Variants in ITPR3 observed in about 807,000 individuals in gnomAD.
The protein encoded by ITPR3 is inositol 1,4,5-trisphosphate-gated calcium channel ITPR3.
A neutral mutation model predicts 293.2 loss-of-function variants in ITPR3; 173 were observed. That is an observed-to-expected ratio of 0.59 (90% CI 0.52 to 0.67). The LOEUF (loss-of-function observed/expected upper bound fraction) is 0.67, where lower values mean the gene tolerates loss of function less well. Ranked by LOEUF, ITPR3 falls within the 30% of genes least tolerant of loss-of-function variation. The probability of loss-of-function intolerance (pLI) is 0.00; values close to 1 mark genes in which losing one functional copy is unlikely to be tolerated. For missense variants in ITPR3, 2,796 were observed against 3,592.1 expected (o/e 0.78, Z 5.66); for synonymous variants, 1,295 against 1,444.4 (o/e 0.90, Z 2.35).
At position 33,691,441 on chromosome 6, in the gene ITPR3, G is replaced by A. The variant is rs1765386422; in HGVS notation, c.7226-174G>A. The stretch of plus-strand genomic sequence containing the variant: ...GTACAGAGACCCCTCCCTGCCCTTA[G>A]TGTGCAACCCAGTCGGGGGCAGAAG... On this transcript the variant is annotated intron_variant, in intron 52 of 57. Coordinates refer to ENST00000605930, the MANE Select transcript of ITPR3 (RefSeq NM_002224.4). The surrounding 1 kb of genome is among the most constrained non-coding windows in gnomAD (Gnocchi z 4.9). 6.6e-6 allele frequency among the ~76,000 whole-genome samples: 1 copy of A among 152,168 alleles called. No homozygotes were observed. Among genetic ancestry groups the A allele is most frequent in the African/African-American group, 2.4e-5 (1 of 41,432 alleles).
Position 33,668,633 on chromosome 6 carries a change from G to A in ITPR3, c.2005G>A (p.Glu669Lys), listed in dbSNP as rs758744581. ...GAACAGTGACATTCTCATCCGGACCGAGTGAGCCCTGTGCCCCCTGCCCGC... is the reference window on the plus strand; with the variant it reads ...GAACAGTGACATTCTCATCCGGACCAAGTGAGCCCTGTGCCCCCTGCCCGC... The part of the protein sequence containing the change: ...PKNSDILIRT[E>K]LRPVKEMAQS... The change falls in exon 17 of 58, where the codon GAG becomes AAG. Residue 669 changes from glutamate to lysine, a missense_variant and splice_region_variant. Around this residue, in one of 8 missense-constraint regions of ITPR3, gnomAD observed 955 missense variants for 1,180.8 expected, o/e 0.81. Coordinates refer to ENST00000605930, the MANE Select transcript of ITPR3 (RefSeq NM_002224.4). 6.2e-6 allele frequency: 10 copies of A among 1,614,024 alleles called. No individual in the cohort carries two copies. Among genetic ancestry groups the A allele is most frequent in the East Asian group, 4.5e-5 (2 of 44,894 alleles).
Position 33,690,945 on chromosome 6 carries a change from C to T in ITPR3, c.7061C>T (p.Thr2354Met), listed in dbSNP as rs777767860. 2 of 1,614,176 alleles carry T rather than the reference C, an allele frequency of 1.2e-6. No homozygotes were observed. The highest frequency in any genetic ancestry group is 1.1e-5 in the South Asian group (1 of 91,074). The change falls in exon 52 of 58, where the codon ACG becomes ATG. Residue 2354 changes from threonine to methionine, a missense_variant. Coordinates refer to ENST00000605930, the MANE Select transcript of ITPR3 (RefSeq NM_002224.4). ...LLFDLIYREE[T>M]LFNVIKSVTR... ...TTTGACCTCATCTACCGCGAGGAGA[C>T]GCTGTTCAACGTCATCAAGAGTGTG...
At chr6:33,690,333 CAG>C (rs1343522411) in intron 51 of ITPR3, 135 bp downstream of exon 51, 8 of 881,882 alleles carry the variant, frequency 9.1e-6, no homozygotes, top group African/African-American at 3.4e-5. Context: ...AGTGAAATTA[CAG>C]AGTCTTCATC....
In ITPR3 at chr6:33,664,924, C is replaced by T. The variant is rs769062160; in HGVS notation, c.1203C>T (p.Thr401=). The part of the protein sequence containing the change: ...HLCTNTWIQS[T]NVPIDIEEER... ...GCACCAACACGTGGATTCAGAGCAC[C>T]AATGTGCCCATTGACATCGAGGAGG... is the stretch of plus-strand genomic sequence containing the variant. Residue 401 remains threonine (T), a synonymous_variant, in exon 12 of 58, where the codon ACC becomes ACT. Coordinates refer to ENST00000605930, the MANE Select transcript of ITPR3 (RefSeq NM_002224.4). This position sits in a 1 kb window ranked among gnomAD's most constrained non-coding sequence, Gnocchi z 4.4. The T allele has an allele frequency of 2.5e-6, 4 of 1,612,368 alleles. No homozygotes were observed. In the Admixed American group the frequency reaches 5.0e-5, roughly 20 times the overall value.
intron 1 of ITPR3, among the ~76,000 whole-genome samples, chr6:33,635,976 AT>A (rs1383636151): frequency 1.3e-5 from 2 of 151,916 alleles, no homozygotes; most frequent in Non-Finnish European, 2.9e-5. Flanking sequence ...TGCTGGCCTG[AT>A]TTGACTTACC....
chr6:33,680,184 G>A (rs373622870), intron 31 of ITPR3, 51 bp downstream of exon 31: 3 of 1,597,186 alleles, frequency 1.9e-6, no homozygotes, highest in Non-Finnish European at 2.6e-6. Context: ...CGAAGGGGTG[G>A]GTAAAGCCAC....
rs1266925316 is a variant in ITPR3, at chr6:33,679,188, A to T, written c.3972+349A>T. On this transcript the variant is annotated intron_variant, in intron 30 of 57. Transcript: ENST00000605930. The surrounding 1 kb of genome is among the most constrained non-coding windows in gnomAD (Gnocchi z 4.2). ...CACGGACTGTACATGCATGGGGGAC[A>T]TCAGCTGAGTGTCAGCTCCTGGGGG... Among the ~76,000 whole-genome samples, 1 of 152,160 alleles carries T rather than the reference A, an allele frequency of 6.6e-6. No homozygotes were observed. The highest frequency in any genetic ancestry group is 2.4e-5 in the African/African-American group (1 of 41,446).
At chr6:33,665,432 T>C (rs1332457607) in intron 13 of ITPR3, among the ~76,000 whole-genome samples, 4 of 152,224 alleles carry the variant, frequency 2.6e-5, no homozygotes, top group Admixed American at 2.0e-4. Context: ...GTTACTGTGT[T>C]GAGCCTGGTC....
At chr6:33,695,615 C>T (rs748096476) in intron 57 of ITPR3, 97 bp from the exon 58 acceptor site, 24 of 1,238,656 alleles carry the variant, frequency 1.9e-5, no homozygotes, top group Non-Finnish European at 2.6e-5. Context: ...GCAGCTGGGC[C>T]CACAGGGGAA....
chr6:33,638,742 G>A lies in ITPR3; in HGVS notation c.90-1742G>A, dbSNP rs1235644732. Reference sequence around the variant, plus strand: ...ATCATTACAAAGAAAACACACAGGGGCTCCGTTCTCAAGGAACTCACAGTG... The same window carrying A: ...ATCATTACAAAGAAAACACACAGGGACTCCGTTCTCAAGGAACTCACAGTG... On this transcript the variant is annotated intron_variant, in intron 1 of 57. Transcript: ENST00000605930. The surrounding 1 kb of genome is among the most constrained non-coding windows in gnomAD (Gnocchi z 4.3). Among the ~76,000 whole-genome samples, 2 of 152,224 alleles carry A rather than the reference G, an allele frequency of 1.3e-5. No individual in the cohort carries two copies. The highest frequency in any genetic ancestry group is 6.5e-5 in the Admixed American group (1 of 15,278).
At chr6:33,648,190 T>C (rs1328194942) in intron 2 of ITPR3, among the ~76,000 whole-genome samples, 1 of 150,982 alleles carries the variant, frequency 6.6e-6, no homozygotes, top group Non-Finnish European at 1.5e-5. Context: ...CTCAGCCTCC[T>C]GAGCAGCTGG....
chr6:33,648,922 C>T (rs893380257), intron 2 of ITPR3, among the ~76,000 whole-genome samples: 7 of 150,144 alleles, frequency 4.7e-5, no homozygotes, highest in Non-Finnish European at 3.0e-5. Flanking sequence ...TTTTCCAAGA[C>T]GGAGTCTCGC....
At chr6:33,686,291 G>C in intron 42 of ITPR3, 38 bp downstream of exon 42, 1 of 1,606,986 alleles carries the variant, frequency 6.2e-7, no homozygotes, top group South Asian at 1.1e-5. Context: ...AGCCAGGGTG[G>C]CAGTGTGGAC....
chr6:33,645,198 G>T (rs1226676927), intron 2 of ITPR3, among the ~76,000 whole-genome samples: 3 of 151,848 alleles, frequency 2.0e-5, no homozygotes, highest in African/African-American at 7.3e-5. Flanking sequence ...GCCGGGTGTG[G>T]TGGTGGGCAC....
rs758987338 is a variant in ITPR3 at position 33,677,055 on chromosome 6, A to T, written c.3488A>T (p.Glu1163Val). The T allele has an allele frequency of 5.9e-5, 96 of 1,614,060 alleles. No homozygotes were observed. The highest frequency in any genetic ancestry group is 5.1e-5 in the Non-Finnish European group (60 of 1,180,042). The part of the protein sequence containing the change: ...DEEGFLHPPG[E>V]KSSENYQIVK... ...GAGGGCTTTCTGCACCCACCAGGGG[A>T]GAAAAGCAGTGAGAACTACCAGATC... The change falls in exon 27 of 58, where the codon GAG becomes GTG. Residue 1163 changes from glutamate to valine, a missense_variant. This residue lies in a region of ITPR3 where 344 missense variants were observed against 460.3 expected (regional missense o/e 0.75). Transcript: ENST00000605930.
intron 1 of ITPR3, among the ~76,000 whole-genome samples, chr6:33,628,040 C>T (rs1763589540): frequency 6.6e-6 from 1 of 152,254 alleles, no homozygotes. Context: ...TTCCTGACCC[C>T]ATATCCCCTC....
chr6:33,687,326 AG>A lies in ITPR3; in HGVS notation c.6177+1del, dbSNP rs779473987. 6.2e-7 allele frequency: 1 copy of A among 1,605,712 alleles called. No homozygotes were observed. Among genetic ancestry groups the A allele is most frequent in the Non-Finnish European group, 8.5e-7 (1 of 1,173,222 alleles). Reference protein sequence around the residue: ...VGHNIYILALQLSRHNKQLQH... With the variant: ...VGHNIYILALXLSRHNKQLQH... ...CATAACATCTATATCCTGGCGCTGC[AG>A]GTACCAGTTCCACCCGTGGCAACGG... is the stretch of plus-strand genomic sequence containing the variant. On this transcript the variant is annotated frameshift_variant and splice_region_variant, in exon 45 of 58. Transcript: ENST00000605930. LOFTEE classifies it high-confidence loss of function. The surrounding 1 kb of genome is among the most constrained non-coding windows in gnomAD (Gnocchi z 5.3).
In ITPR3 at chr6:33,687,548, A is replaced by AG. The variant is rs1199541850; in HGVS notation, c.6251dup (p.Ile2085TyrfsTer34). 1 of 1,550,690 alleles carries AG rather than the reference A, an allele frequency of 6.4e-7. No homozygotes were observed. Among genetic ancestry groups the AG allele is most frequent in the Non-Finnish European group, 8.8e-7 (1 of 1,132,540 alleles). ...AAGCGCATTCAAGAGGAGGAGGCCG[A>AG]GGGTATCTCTTCCATGGTGGGTGCT... is the stretch of plus-strand genomic sequence containing the variant. On this transcript the variant is annotated frameshift_variant, in exon 46 of 58. Transcript: ENST00000605930. LOFTEE classifies it high-confidence loss of function. This position sits in a 1 kb window ranked among gnomAD's most constrained non-coding sequence, Gnocchi z 5.3.
chr6:33,688,495 G>T, intron 48 of ITPR3, 64 bp downstream of exon 48: 1 of 1,498,272 alleles, frequency 6.7e-7, no homozygotes. Context: ...CTGTTATAAC[G>T]GCCTCCTTTG....
Sources: allele counts gnomAD v4.1 joint callset (sites outside exome capture counted in the v4.1 genomes callset), GRCh38; gene constraint gnomAD v4.1.1; regional missense constraint gnomAD v4.1.1; non-coding constraint Gnocchi (gnomAD v3.1); transcripts MANE v1.5; gene names NCBI Gene and HGNC (gene_info 2026-07-23, HGNC 2026-07-21).